Variants in LIPI observed in about 807,000 individuals in gnomAD.
LIPI encodes the protein lipase I, also known as lipase member I.
In LIPI, 59 loss-of-function variants were observed where a neutral mutation model predicts 50.6. The ratio of observed to expected loss-of-function variants is 1.16; its 90% CI spans 0.94 to 1.45. The LOEUF (loss-of-function observed/expected upper bound fraction) is 1.45, where lower values mean the gene tolerates loss of function less well. Among genes scored for constraint, LIPI ranks in the 40% most tolerant of loss-of-function variants. LIPI has a pLI of 0.00. For synonymous variants in LIPI, 203 were observed against 178.2 expected, an observed-to-expected ratio of 1.14 and a Z score of -1.11; for missense variants, 586 against 536.3, an observed-to-expected ratio of 1.09 and a Z score of -0.92.
intron 3 of LIPI, among the ~76,000 whole-genome samples, chr21:14,183,349 T>G (rs1568873565): frequency 6.6e-6 from 1 of 152,220 alleles, no homozygotes; most frequent in Non-Finnish European, 1.5e-5. Context: ...GACTTACATG[T>G]TAGTCTTAAA....
At chr21:14,185,144 A>C (rs1036869717) in intron 3 of LIPI, among the ~76,000 whole-genome samples, 1 of 152,202 alleles carries the variant, frequency 6.6e-6, no homozygotes, top group African/African-American at 2.4e-5. Context: ...ATGAAAATCC[A>C]TATCAGCCTT....
chr21:14,124,373 T>C (rs1394110221), intron 9 of LIPI, among the ~76,000 whole-genome samples: 2 of 152,172 alleles, frequency 1.3e-5, no homozygotes, highest in Non-Finnish European at 2.9e-5. Context: ...TACTTTTTCC[T>C]TCAAAAGCTA....
At position 14,188,598 on chromosome 21, in the gene LIPI, C is replaced by A. The variant is rs191707547; in HGVS notation, c.432+436G>T. Among the ~76,000 whole-genome samples the A allele has an allele frequency of 3.0e-3, 371 of 124,202 alleles. 1 individual carries two copies. The highest frequency in any genetic ancestry group is 0.019 in the South Asian group (70 of 3,602). The allele number at this position is 124,202 out of a possible 152,430, so 81.5% of individuals were successfully genotyped here. On this transcript the variant is annotated intron_variant, in intron 2 of 9. Coordinates refer to ENST00000681601, the MANE Select transcript of LIPI (RefSeq NM_001302998.2). ...AAAAAAAAAAAAAAAAAAGATTTTT[C>A]TTTACTTTTACCAATTCACACTCGA...
intron 6 of LIPI, among the ~76,000 whole-genome samples, chr21:14,164,036 T>C (rs907700097): frequency 2.7e-5 from 4 of 150,354 alleles, no homozygotes; most frequent in Non-Finnish European, 1.5e-5. Context: ...ATAATATACA[T>C]ATTTCAGATA....
intron 4 of LIPI, among the ~76,000 whole-genome samples, chr21:14,176,582 G>T (rs1478873122): frequency 1.3e-5 from 2 of 151,342 alleles, no homozygotes; most frequent in South Asian, 2.1e-4. Context: ...TTTCAAAAAT[G>T]TATGGATTTT....
At chr21:14,164,216 AAATT>A (rs1370991368) in intron 6 of LIPI, among the ~76,000 whole-genome samples, 1 of 152,066 alleles carries the variant, frequency 6.6e-6, no homozygotes, top group African/African-American at 2.4e-5. Flanking sequence ...AAAGAATAGT[AAATT>A]AAGAATTCAG....
intron 7 of LIPI, among the ~76,000 whole-genome samples, chr21:14,161,324 T>G (rs1264095162): frequency 6.9e-6 from 1 of 145,890 alleles, no homozygotes; most frequent in Non-Finnish European, 1.5e-5. Flanking sequence ...TATAGATATA[T>G]ATGTAATATA....
At chr21:14,189,894 A>G (rs1281825776) in intron 1 of LIPI, among the ~76,000 whole-genome samples, 3 of 152,094 alleles carry the variant, frequency 2.0e-5, no homozygotes, top group African/African-American at 4.8e-5. Context: ...AAAATTAAAT[A>G]ATAAATATTA....
intron 4 of LIPI, among the ~76,000 whole-genome samples, chr21:14,170,548 G>A (rs955369259): frequency 9.8e-5 from 15 of 152,326 alleles, no homozygotes; most frequent in African/African-American, 3.6e-4. Flanking sequence ...TGGCATGCAA[G>A]GCTGGTTCAA....
At chr21:14,194,981 A>T (rs2019796314) in intron 1 of LIPI, among the ~76,000 whole-genome samples, 1 of 152,182 alleles carries the variant, frequency 6.6e-6, no homozygotes, top group African/African-American at 2.4e-5. Flanking sequence ...CAAAAAACAC[A>T]GAATTGTGAT....
chr21:14,151,307 T>C (rs566152679), intron 8 of LIPI, among the ~76,000 whole-genome samples: 121 of 152,344 alleles, frequency 7.9e-4, no homozygotes, highest in African/African-American at 2.8e-3. Flanking sequence ...AATAAATAAG[T>C]AGTCAGGGAC....
intron 8 of LIPI, among the ~76,000 whole-genome samples, chr21:14,147,336 C>CT (rs1378834178): frequency 6.6e-6 from 1 of 152,066 alleles, no homozygotes; most frequent in Non-Finnish European, 1.5e-5. Flanking sequence ...ACAGATTTTA[C>CT]TTATATAATT....
At position 14,167,791 on chromosome 21, in the gene LIPI, T is replaced by A. The variant is rs1272189471; in HGVS notation, c.644-1340A>T. On this transcript the variant is annotated intron_variant, in intron 4 of 9. Transcript: ENST00000681601. ...AAAACAGAGCAGAAAAACTGGAAAC[T>A]CTAAAAAGCAGAGTGCCTCTCCTCC... Among the ~76,000 whole-genome samples, 48 of 152,058 alleles carry A rather than the reference T, an allele frequency of 3.2e-4. 1 individual carries two copies. Among genetic ancestry groups the A allele is most frequent in the African/African-American group, 1.1e-3 (44 of 41,462 alleles).
At chr21:14,197,610 G>A (rs1334102888) in intron 1 of LIPI, among the ~76,000 whole-genome samples, 2 of 152,008 alleles carry the variant, frequency 1.3e-5, no homozygotes, top group Admixed American at 1.3e-4. Flanking sequence ...AGAAATATGG[G>A]ATTATGTAAA....
At chr21:14,177,021 T>A (rs1397634617) in intron 4 of LIPI, among the ~76,000 whole-genome samples, 1 of 152,102 alleles carries the variant, frequency 6.6e-6, no homozygotes, top group Non-Finnish European at 1.5e-5. Context: ...AGGTGTAATG[T>A]TCTATAAATG....
At chr21:14,182,219 A>G (rs1449251888) in intron 3 of LIPI, among the ~76,000 whole-genome samples, 2 of 151,970 alleles carry the variant, frequency 1.3e-5, no homozygotes, top group Non-Finnish European at 2.9e-5. Flanking sequence ...CCTCTCTTGA[A>G]CTCTGTACAT....
In LIPI at chr21:14,184,126, G is replaced by C. The variant is rs376466633; in HGVS notation, c.541+1835C>G. Among the ~76,000 whole-genome samples the C allele has an allele frequency of 7.2e-5, 11 of 152,222 alleles. No individual in the cohort carries two copies. In the East Asian group the frequency reaches 2.1e-3, roughly 29 times the overall value. ...ATTAAGAAAATGTGGCACATACACA[G>C]CATGGAATACTATGCAGCCATAAAA... is the stretch of plus-strand genomic sequence containing the variant. On this transcript the variant is annotated intron_variant, in intron 3 of 9. Coordinates refer to ENST00000681601, the MANE Select transcript of LIPI (RefSeq NM_001302998.2).
intron 9 of LIPI, among the ~76,000 whole-genome samples, chr21:14,124,615 G>A (rs1261968193): frequency 1.3e-5 from 2 of 152,180 alleles, no homozygotes; most frequent in Non-Finnish European, 2.9e-5. Flanking sequence ...AAATGTAAAA[G>A]ACTGATCAAC....
Position 14,195,064 on chromosome 21 carries a change from C to A in LIPI, c.47-5645G>T, listed in dbSNP as rs117263395. On this transcript the variant is annotated intron_variant, in intron 1 of 9. Transcript: ENST00000681601. ...CTGCTTGGAGGCCATTTCCAGACTG[C>A]TGTGTAAAAAGGGCTCAATTAATCA... Among the ~76,000 whole-genome samples the A allele has an allele frequency of 2.2e-3, 339 of 152,166 alleles. 2 individuals are homozygous for A. The highest frequency in any genetic ancestry group is 0.01 in the Middle Eastern group (3 of 294).
Sources: gnomAD v4.1 joint callset for allele counts (sites outside exome capture counted in the v4.1 genomes callset) on GRCh38, gnomAD v4.1.1 for gene constraint, MANE v1.5 for transcripts, NCBI Gene and HGNC (gene_info 2026-07-23, HGNC 2026-07-21) for gene names.